The following NTRK3 variants were observed in gnomAD, a reference collection of about 807,000 sequenced individuals.
The protein encoded by NTRK3 is neurotrophic receptor tyrosine kinase 3.
A neutral mutation model predicts 91.7 loss-of-function variants in NTRK3; 24 were observed. The observed-to-expected ratio is 0.26, with a 90% CI of 0.19 to 0.37. NTRK3 has a LOEUF of 0.37. NTRK3 is among the 10% of genes least tolerant of loss of function. NTRK3 has a pLI of 1.00. For synonymous variants in NTRK3, 483 were observed against 404.0 expected (o/e 1.20, Z -2.34); for missense variants, 880 against 1,068.9 (o/e 0.82, Z 2.46).
At chr15:88,126,477 A>T (rs963125871) in intron 12 of NTRK3, 104 bp from the exon 13 acceptor site, 1 of 718,032 alleles carries the variant, frequency 1.4e-6, no homozygotes, top group African/African-American at 1.8e-5. Context: ...TGCCATAGTA[A>T]TTGTAGCCTT....
At chr15:88,151,107 A>G (rs2043335256) in intron 5 of NTRK3, among the ~76,000 whole-genome samples, 1 of 152,096 alleles carries the variant, frequency 6.6e-6, no homozygotes, top group Non-Finnish European at 1.5e-5. Flanking sequence ...TGCTTGGGTC[A>G]ATGGCCAGTT....
At chr15:88,098,916 G>A (rs2049900957) in intron 13 of NTRK3, 1 of 232,330 alleles carries the variant, frequency 4.3e-6, no homozygotes, top group South Asian at 1.8e-4. Flanking sequence ...AAATCTGTAG[G>A]TTTAAAAAAG....
chr15:88,022,937 G>T (rs1160269918), intron 14 of NTRK3, among the ~76,000 whole-genome samples: 1 of 152,210 alleles, frequency 6.6e-6, no homozygotes, highest in African/African-American at 2.4e-5. Flanking sequence ...GATGGCAGGT[G>T]GTCTCGGCCC....
intron 13 of NTRK3, among the ~76,000 whole-genome samples, chr15:88,113,304 T>A (rs2051633100): frequency 7.4e-6 from 1 of 135,220 alleles, no homozygotes. Context: ...CACCTGCTGA[T>A]CAATTTCTTT....
At position 88,241,157 on chromosome 15, in the gene NTRK3, G is replaced by C. The variant is rs1050516900; in HGVS notation, c.248+14749C>G. ...AATGCCATATAGGACACATCGTGGG[G>C]CTCCCGAGGGTGTCAGCTGGACTGA... On this transcript the variant is annotated intron_variant, in intron 3 of 18. Coordinates refer to ENST00000394480, the Ensembl canonical transcript of NTRK3. The surrounding 1 kb of genome is among the most constrained non-coding windows in gnomAD (Gnocchi z 4.3). Among the ~76,000 whole-genome samples the C allele has an allele frequency of 6.6e-6, 1 of 152,198 alleles. No individual in the cohort carries two copies. Among genetic ancestry groups the C allele is most frequent in the African/African-American group, 2.4e-5 (1 of 41,446 alleles).
intron 14 of NTRK3, among the ~76,000 whole-genome samples, chr15:88,026,748 T>C (rs187652391): frequency 1.6e-3 from 250 of 152,276 alleles, no homozygotes; most frequent in African/African-American, 5.7e-3. Context: ...TTAAAGGAAA[T>C]ATGTGGGTGC....
At chr15:88,012,592 A>G (rs2076957948) in intron 14 of NTRK3, among the ~76,000 whole-genome samples, 1 of 152,226 alleles carries the variant, frequency 6.6e-6, no homozygotes, top group Non-Finnish European at 1.5e-5. Context: ...AGAATGAGCC[A>G]TTTGCTGGTT....
intron 13 of NTRK3, among the ~76,000 whole-genome samples, chr15:88,091,260 C>A (rs114210577): frequency 7.9e-5 from 12 of 152,158 alleles, no homozygotes; most frequent in Admixed American, 5.2e-4. Flanking sequence ...GGAATTAGGG[C>A]AGATTCTCTT....
exon 19 of NTRK3, chr15:87,862,729 C>T (rs1352451860): frequency 4.4e-6 from 1 of 229,554 alleles, no homozygotes; most frequent in Admixed American, 5.7e-5. Context: ...TTCAGTCTGG[C>T]CTGAAGAATG....
intron 12 of NTRK3, 31 bp downstream of exon 12, chr15:88,127,131 A>G: frequency 1.3e-6 from 2 of 1,592,020 alleles, no homozygotes; most frequent in South Asian, 2.2e-5. Flanking sequence ...ATGCCAGTCA[A>G]CACACTCCTC....
At chr15:88,087,770 TG>T (rs962364525) in intron 13 of NTRK3, among the ~76,000 whole-genome samples, 2 of 152,194 alleles carry the variant, frequency 1.3e-5, no homozygotes, top group Admixed American at 6.5e-5. Context: ...TCCAGCTGGC[TG>T]GGTGTGGTGG....
chr15:88,254,904 G>A (rs776768643), intron 3 of NTRK3, among the ~76,000 whole-genome samples: 1 of 152,160 alleles, frequency 6.6e-6, no homozygotes, highest in Non-Finnish European at 1.5e-5. Flanking sequence ...TCACCTGGCC[G>A]AGGTCAACGA....
intron 14 of NTRK3, among the ~76,000 whole-genome samples, chr15:87,995,606 G>A (rs1005865142): frequency 2.0e-5 from 3 of 152,184 alleles, no homozygotes; most frequent in African/African-American, 4.8e-5. Context: ...CAATGGGTGA[G>A]TCTTGAAGGA....
chr15:87,943,742 A>G (rs1301487089), intron 14 of NTRK3, among the ~76,000 whole-genome samples: 1 of 152,130 alleles, frequency 6.6e-6, no homozygotes, highest in Non-Finnish European at 1.5e-5. Context: ...AAGTGGGAGC[A>G]GCATCCAGGG....
chr15:88,099,325 T>C, intron 13 of NTRK3: 1 of 209,144 alleles, frequency 4.8e-6, no homozygotes, highest in East Asian at 7.1e-5. Flanking sequence ...AGAAAAAAGA[T>C]GATTTGGAGA....
At chr15:87,872,713 C>T (rs2064854721) in exon 19 of NTRK3, 1 of 232,744 alleles carries the variant, frequency 4.3e-6, no homozygotes, top group Non-Finnish European at 8.5e-6. Context: ...TACCAGTCAC[C>T]AGGCCTTCTT....
chr15:88,253,948 A>C (rs918191819), intron 3 of NTRK3, among the ~76,000 whole-genome samples: 1 of 152,174 alleles, frequency 6.6e-6, no homozygotes, highest in Non-Finnish European at 1.5e-5. Flanking sequence ...TTTTCAGAGG[A>C]GCAACACCTC....
chr15:88,147,342 G>T (rs201576544), exon 6 of NTRK3: 1 of 1,613,522 alleles, frequency 6.2e-7, no homozygotes, highest in Non-Finnish European at 8.5e-7. Context: ...TACAATTCCC[G>T]AAGACTCAGC....
intron 10 of NTRK3, among the ~76,000 whole-genome samples, chr15:88,131,034 A>G (rs2041282645): frequency 6.6e-6 from 1 of 152,236 alleles, no homozygotes; most frequent in African/African-American, 2.4e-5. Flanking sequence ...ACTATTTCAA[A>G]ATGAAAAGTT....
Sources: gnomAD v4.1 joint callset for allele counts (sites outside exome capture counted in the v4.1 genomes callset) on GRCh38, gnomAD v4.1.1 for gene constraint, Gnocchi (gnomAD v3.1) non-coding constraint, MANE v1.5 for transcripts, NCBI Gene and HGNC (gene_info 2026-07-23, HGNC 2026-07-21) for gene names.